ST6GALNAC3: variants seen among roughly 807,000 people sequenced by gnomAD.
ST6GALNAC3 encodes the protein ST6 N-acetylgalactosaminide alpha-2,6-sialyltransferase 3.
A neutral mutation model predicts 32.7 loss-of-function variants in ST6GALNAC3; 25 were observed. That is an observed-to-expected ratio of 0.76 (90% CI 0.56 to 1.07). The LOEUF is 1.07. Ranked by LOEUF, ST6GALNAC3 falls within the 50% of genes least tolerant of loss-of-function variation. The pLI is 0.00. For synonymous variants in ST6GALNAC3, 129 were observed against 133.1 expected (o/e 0.97, Z 0.21); for missense variants, 355 against 382.4 (o/e 0.93, Z 0.60).
At chr1:76,171,864 CCAGA>C (rs1652532513) in intron 1 of ST6GALNAC3, among the ~76,000 whole-genome samples, 1 of 70,380 alleles carries the variant, frequency 1.4e-5, no homozygotes, top group Non-Finnish European at 3.9e-5. Context: ...CAAAACAGGA[CCAGA>C]CAGATTCACA....
At chr1:76,579,841 C>G (rs1646867471) in intron 3 of ST6GALNAC3, among the ~76,000 whole-genome samples, 1 of 151,910 alleles carries the variant, frequency 6.6e-6, no homozygotes, top group African/African-American at 2.4e-5. Flanking sequence ...CATATGTGGT[C>G]TTTTCTACTT....
chr1:76,270,873 G>C (rs1658805787), intron 1 of ST6GALNAC3, among the ~76,000 whole-genome samples: 1 of 152,170 alleles, frequency 6.6e-6, no homozygotes, highest in Admixed American at 6.5e-5. Context: ...GGCAGGGGCT[G>C]ACCTTTTCTA....
intron 3 of ST6GALNAC3, among the ~76,000 whole-genome samples, chr1:76,612,885 A>T (rs1354119618): frequency 3.3e-5 from 5 of 152,232 alleles, no homozygotes; most frequent in African/African-American, 1.2e-4. Flanking sequence ...ACACTTCTGA[A>T]GCTGAACATC....
chr1:76,170,641 A>G (rs1434933748), intron 1 of ST6GALNAC3, among the ~76,000 whole-genome samples: 1 of 152,164 alleles, frequency 6.6e-6, no homozygotes, highest in Non-Finnish European at 1.5e-5. Flanking sequence ...TACATGGTTT[A>G]GCTTTGTTTC....
At chr1:76,318,651 A>T (rs1646912683) in intron 2 of ST6GALNAC3, among the ~76,000 whole-genome samples, 1 of 152,188 alleles carries the variant, frequency 6.6e-6, no homozygotes, top group Non-Finnish European at 1.5e-5. Flanking sequence ...CACCTATAGC[A>T]TTATGGCAGA....
intron 2 of ST6GALNAC3, among the ~76,000 whole-genome samples, chr1:76,402,672 T>C (rs538624895): frequency 6.6e-6 from 1 of 152,306 alleles, no homozygotes; most frequent in East Asian, 1.9e-4. Context: ...AAAATATTCT[T>C]TTTCAAAAGT....
chr1:76,389,990 T>A (rs1652407299), intron 2 of ST6GALNAC3, among the ~76,000 whole-genome samples: 1 of 152,144 alleles, frequency 6.6e-6, no homozygotes, highest in Admixed American at 6.6e-5. Context: ...CTTCCACTGA[T>A]CTAGTACCGC....
intron 3 of ST6GALNAC3, among the ~76,000 whole-genome samples, chr1:76,525,049 C>G (rs180934943): frequency 1.3e-5 from 2 of 152,146 alleles, no homozygotes; most frequent in African/African-American, 2.4e-5. Context: ...ATAATATTCT[C>G]TCATTATGAA....
chr1:76,392,933 T>C (rs1197322667), intron 2 of ST6GALNAC3, among the ~76,000 whole-genome samples: 1 of 152,184 alleles, frequency 6.6e-6, no homozygotes, highest in Non-Finnish European at 1.5e-5. Flanking sequence ...TGGTCCATTA[T>C]TAATGTGGAA....
chr1:76,124,980 C>T (rs553681361), intron 1 of ST6GALNAC3, among the ~76,000 whole-genome samples: 1 of 152,220 alleles, frequency 6.6e-6, no homozygotes, highest in African/African-American at 2.4e-5. Context: ...TAAAATAGCT[C>T]ATTAATAATT....
At chr1:76,209,761 T>C (rs1050053107) in intron 1 of ST6GALNAC3, among the ~76,000 whole-genome samples, 2 of 152,226 alleles carry the variant, frequency 1.3e-5, no homozygotes, top group African/African-American at 4.8e-5. Context: ...ATGTCAGTTA[T>C]TCTTTACTCA....
intron 1 of ST6GALNAC3, among the ~76,000 whole-genome samples, chr1:76,079,796 C>T (rs78223198): frequency 1.5e-3 from 223 of 152,298 alleles, no homozygotes; most frequent in Middle Eastern, 0.014. Flanking sequence ...CTCAACTCTG[C>T]CCCTTACTTT....
intron 3 of ST6GALNAC3, among the ~76,000 whole-genome samples, chr1:76,494,649 G>A (rs866474140): frequency 1.6e-3 from 111 of 67,666 alleles, no homozygotes; most frequent in Middle Eastern, 9.4e-3. Flanking sequence ...ATGTGTATGC[G>A]CACACACACA....
intron 1 of ST6GALNAC3, among the ~76,000 whole-genome samples, chr1:76,162,899 C>A (rs1205334070): frequency 6.6e-6 from 1 of 152,104 alleles, no homozygotes; most frequent in East Asian, 1.9e-4. Flanking sequence ...GGTGACCAGG[C>A]CCAGAGCTGG....
intron 1 of ST6GALNAC3, among the ~76,000 whole-genome samples, chr1:76,171,196 CA>C (rs1652474214): frequency 1.3e-5 from 2 of 151,920 alleles, no homozygotes; most frequent in South Asian, 4.1e-4. Context: ...CTCTTACTTG[CA>C]ACTGACAGCT....
chr1:76,524,072 G>T (rs941637590), intron 3 of ST6GALNAC3, among the ~76,000 whole-genome samples: 1 of 151,956 alleles, frequency 6.6e-6, no homozygotes, highest in Non-Finnish European at 1.5e-5. Flanking sequence ...TTAAACAGAT[G>T]ATTTTTGTGT....
At position 76,592,243 on chromosome 1, in the gene ST6GALNAC3, A is replaced by T. The variant is rs546523820; in HGVS notation, c.624-35209A>T. The stretch of plus-strand genomic sequence containing the variant: ...CAAGAAGAGATTATACTTGTCCAGA[A>T]CAGAGATGATGAGGTTTGGAGGGAA... On this transcript the variant is annotated intron_variant, in intron 3 of 4. Coordinates refer to ENST00000328299, the MANE Select transcript of ST6GALNAC3 (RefSeq NM_152996.4). 1.1e-4 allele frequency among the ~76,000 whole-genome samples: 16 copies of T among 152,292 alleles called. No individual in the cohort carries two copies. The South Asian group carries it at 2.7e-3, about 26-fold the overall frequency.
intron 1 of ST6GALNAC3, among the ~76,000 whole-genome samples, chr1:76,123,449 A>G (rs1271528938): frequency 6.6e-6 from 1 of 151,904 alleles, no homozygotes; most frequent in Non-Finnish European, 1.5e-5. Context: ...ACTGTGCACA[A>G]TGAGATTGTG....
rs116397690 is a variant in ST6GALNAC3 at position 76,123,064 on chromosome 1, C to T, written c.18+48180C>T. On this transcript the variant is annotated intron_variant, in intron 1 of 4. Coordinates refer to ENST00000328299, the MANE Select transcript of ST6GALNAC3 (RefSeq NM_152996.4). Reference sequence around the variant, plus strand: ...AACAAGATGTCCAGTGATTCCTCTGCACATTAATGTTTAAGAAGTTTTGCT... The same window carrying T: ...AACAAGATGTCCAGTGATTCCTCTGTACATTAATGTTTAAGAAGTTTTGCT... Among the ~76,000 whole-genome samples the T allele has an allele frequency of 6.2e-3, 951 of 152,276 alleles. 9 individuals are homozygous for T. Among genetic ancestry groups the T allele is most frequent in the African/African-American group, 0.022 (900 of 41,554 alleles).
Sources: allele counts gnomAD v4.1 joint callset (sites outside exome capture counted in the v4.1 genomes callset), GRCh38; gene constraint gnomAD v4.1.1; transcripts MANE v1.5; gene names NCBI Gene and HGNC (gene_info 2026-07-23, HGNC 2026-07-21).